Variants in PCDHGA1 observed in about 807,000 individuals in gnomAD.
The protein encoded by PCDHGA1 is protocadherin gamma-A1.
A neutral mutation model predicts 58.0 loss-of-function variants in PCDHGA1; 32 were observed. The ratio of observed to expected loss-of-function variants is 0.55; its 90% CI spans 0.42 to 0.74. The LOEUF (loss-of-function observed/expected upper bound fraction) is 0.74. Ranked by LOEUF, PCDHGA1 falls within the 30% of genes least tolerant of loss-of-function variation. The probability of loss-of-function intolerance (pLI) is 0.00; values close to 1 mark genes in which losing one functional copy is unlikely to be tolerated. For missense variants in PCDHGA1, 1,205 were observed against 1,182.3 expected, an observed-to-expected ratio of 1.02 and a Z score of -0.28; for synonymous variants, 498 against 501.1, an observed-to-expected ratio of 0.99 and a Z score of 0.08.
intron 1 of PCDHGA1, among the ~76,000 whole-genome samples, chr5:141,336,258 A>G (rs368014309): frequency 2.0e-5 from 3 of 152,162 alleles, no homozygotes; most frequent in East Asian, 3.9e-4. Flanking sequence ...TGGCACACCT[A>G]TAATCCCAGG....
At chr5:141,423,256 G>C (rs751894091) in intron 1 of PCDHGA1, 1 of 1,613,934 alleles carries the variant, frequency 6.2e-7, no homozygotes. Flanking sequence ...GGCGGACCTC[G>C]GCAGCCTCGA....
chr5:141,494,977 T>C, intron 2 of PCDHGA1, 112 bp downstream of exon 2: 1 of 1,574,332 alleles, frequency 6.4e-7, no homozygotes, highest in East Asian at 2.3e-5. Context: ...TCTCCCTCAG[T>C]TTGAGATCCC....
At chr5:141,398,743 A>C (rs770231078) in intron 1 of PCDHGA1, 2 of 1,613,864 alleles carry the variant, frequency 1.2e-6, no homozygotes, top group Admixed American at 3.3e-5. Flanking sequence ...GGAACAACAG[A>C]GTTACCATCG....
chr5:141,354,535 T>C (rs1047820786), intron 1 of PCDHGA1, among the ~76,000 whole-genome samples: 3 of 152,200 alleles, frequency 2.0e-5, no homozygotes, highest in African/African-American at 7.2e-5. Flanking sequence ...TGCCCCAGGT[T>C]CTAGAGGGTC....
chr5:141,393,134 C>T (rs755308269), intron 1 of PCDHGA1: 2 of 1,613,390 alleles, frequency 1.2e-6, no homozygotes, highest in South Asian at 2.2e-5. Flanking sequence ...TAAATATTAA[C>T]ACCCTGGTTG....
At chr5:141,472,172 T>A (rs548514406) in intron 1 of PCDHGA1, among the ~76,000 whole-genome samples, 11 of 152,326 alleles carry the variant, frequency 7.2e-5, no homozygotes, top group African/African-American at 2.6e-4. Context: ...AGGTGTAATA[T>A]CCAGTATTGG....
At chr5:141,372,388 C>T (rs745890626) in intron 1 of PCDHGA1, 1 of 1,614,056 alleles carries the variant, frequency 6.2e-7, no homozygotes, top group Non-Finnish European at 8.5e-7. Flanking sequence ...CTAATCTTCG[C>T]AGATAGCTTG....
At position 141,384,937 on chromosome 5, in the gene PCDHGA1, C is replaced by T. The variant is rs373048330; in HGVS notation, c.2421+51832C>T. ...CTTGGCCGACCTGGGCAGCCTTGAG[C>T]CCTCCGACGGTCCTTACAACTATGA... On this transcript the variant is annotated intron_variant, in intron 1 of 3. Coordinates refer to ENST00000517417, the MANE Select transcript of PCDHGA1 (RefSeq NM_018912.3). 4.5e-5 allele frequency: 72 copies of T among 1,613,950 alleles called. No homozygotes were observed. The highest frequency in any genetic ancestry group is 2.3e-4 in the Admixed American group (14 of 60,012).
chr5:141,357,680 A>G (rs913716274), intron 1 of PCDHGA1: 1 of 1,580,188 alleles, frequency 6.3e-7, no homozygotes, highest in Non-Finnish European at 8.6e-7. Flanking sequence ...AGTTGTGTAA[A>G]TGTCTCTCAT....
chr5:141,397,284 C>G (rs185201660), intron 1 of PCDHGA1, among the ~76,000 whole-genome samples: 47 of 152,188 alleles, frequency 3.1e-4, no homozygotes, highest in African/African-American at 1.1e-3. Context: ...GGGCAGTATA[C>G]TTGAATGAAT....
rs1188679966 is a variant in PCDHGA1, at chr5:141,331,336, G to A, written c.652G>A (p.Gly218Ser). ...CCTCATCCTCACAGCTTCTGATGGG[G>A]GTGAACCAGTCCGTTCAGGGACCCT... ...HHLILTASDGGEPVRSGTLRI... is the reference protein window; with the variant it reads ...HHLILTASDGSEPVRSGTLRI... The change falls in exon 1 of 4, where the codon GGT becomes AGT. Residue 218 changes from glycine (G) to serine (S), a missense_variant. Transcript: ENST00000517417. 5.6e-6 allele frequency: 9 copies of A among 1,614,018 alleles called. No individual in the cohort carries two copies. The East Asian group carries it at 1.8e-4, about 32-fold the overall frequency.
At chr5:141,340,165 A>G (rs1756912667) in intron 1 of PCDHGA1, 3 of 1,614,212 alleles carry the variant, frequency 1.9e-6, no homozygotes, top group East Asian at 4.5e-5. Flanking sequence ...AAAAGTCAGT[A>G]GACAATTACT....
chr5:141,417,663 C>T (rs2096144136), intron 1 of PCDHGA1: 8 of 901,900 alleles, frequency 8.9e-6, no homozygotes, highest in Non-Finnish European at 1.3e-5. Flanking sequence ...CCTGGGATTC[C>T]CTGCGCAGCC....
intron 1 of PCDHGA1, chr5:141,375,553 A>C: frequency 6.2e-7 from 1 of 1,613,838 alleles, no homozygotes; most frequent in Non-Finnish European, 8.5e-7. Flanking sequence ...TCTCCTACTC[A>C]CTGGCAGAAG....
At chr5:141,404,015 C>T in intron 1 of PCDHGA1, 1 of 1,613,622 alleles carries the variant, frequency 6.2e-7, no homozygotes. Context: ...TCTGTTTAGC[C>T]CAGTGAGAGA....
At position 141,403,830 on chromosome 5, in the gene PCDHGA1, A is replaced by G. The variant is rs763794433; in HGVS notation, c.2421+70725A>G. On this transcript the variant is annotated intron_variant, in intron 1 of 3. Coordinates refer to ENST00000517417, the MANE Select transcript of PCDHGA1 (RefSeq NM_018912.3). ...AATGAAAAACAATCTCTGCTATTCC[A>G]GCTTAATGAAAATACTGGGGAAATA... The G allele has an allele frequency of 3.7e-6, 6 of 1,613,754 alleles. No individual in the cohort carries two copies. In the Admixed American group the frequency reaches 5.0e-5, roughly 13 times the overall value.
rs369323252 is a variant in PCDHGA1 at position 141,487,658 on chromosome 5, G to T, written c.2422-7149G>T. ...TCAACAAATGCTTGAGGGTTATTCT[G>T]ATCCAGGCATATGGCTAGGCCATGT... On this transcript the variant is annotated intron_variant, in intron 1 of 3. Coordinates refer to ENST00000517417, the MANE Select transcript of PCDHGA1 (RefSeq NM_018912.3). This position sits in a 1 kb window ranked among gnomAD's most constrained non-coding sequence, Gnocchi z 5.0. The T allele has an allele frequency of 8.7e-5, 140 of 1,613,508 alleles. No individual in the cohort carries two copies. The highest frequency in any genetic ancestry group is 1.1e-4 in the Non-Finnish European group (134 of 1,179,802).
chr5:141,340,645 C>T (rs150000282), intron 1 of PCDHGA1: 53 of 1,614,124 alleles, frequency 3.3e-5, no homozygotes, highest in Non-Finnish European at 3.6e-5. Context: ...AGAACGACAA[C>T]GCGCCCGAGA....
intron 1 of PCDHGA1, chr5:141,418,580 G>A: frequency 1.2e-5 from 20 of 1,614,018 alleles, no homozygotes; most frequent in Non-Finnish European, 1.7e-5. Flanking sequence ...CAACCCCCCA[G>A]TGTTCAGCCA....
Sources: gnomAD v4.1 joint callset for allele counts (sites outside exome capture counted in the v4.1 genomes callset) on GRCh38, gnomAD v4.1.1 for gene constraint, Gnocchi (gnomAD v3.1) non-coding constraint, MANE v1.5 for transcripts, NCBI Gene and HGNC (gene_info 2026-07-23, HGNC 2026-07-21) for gene names.